Variants in ADGRG7 observed in about 807,000 individuals in gnomAD.
The protein encoded by ADGRG7 is G-protein coupled receptor 128.
A neutral mutation model predicts 88.6 loss-of-function variants in ADGRG7; 82 were observed. The observed-to-expected ratio is 0.93, with a 90% CI of 0.77 to 1.11. The LOEUF is 1.11. Among genes scored for constraint, ADGRG7 ranks in the 50% most tolerant of loss-of-function variants. The pLI is 0.00. For synonymous variants in ADGRG7, 381 were observed against 345.2 expected (o/e 1.10, Z -1.15); for missense variants, 945 against 953.4 (o/e 0.99, Z 0.12).
At chr3:100,668,813 C>T in intron 14 of ADGRG7, 136 bp from the exon 15 acceptor site, 2 of 518,352 alleles carry the variant, frequency 3.9e-6, no homozygotes, top group Non-Finnish European at 3.3e-6. Context: ...ATCATTTTTC[C>T]ACCTGGGGCA....
intron 10 of ADGRG7, among the ~76,000 whole-genome samples, chr3:100,647,117 A>G (rs540920226): frequency 9.2e-4 from 140 of 152,180 alleles, no homozygotes; most frequent in Non-Finnish European, 1.9e-3. Flanking sequence ...AGATCACACC[A>G]CTGCACTCCA....
At chr3:100,686,206 A>G (rs28812196) in intron 15 of ADGRG7, among the ~76,000 whole-genome samples, 25 of 151,790 alleles carry the variant, frequency 1.6e-4, no homozygotes, top group Non-Finnish European at 3.2e-4. Context: ...TCCTTTGCCC[A>G]CTTTTTGATG....
Position 100,646,696 on chromosome 3 carries a change from A to G in ADGRG7, c.1238A>G (p.Asn413Ser), listed in dbSNP as rs886777505. 6.2e-7 allele frequency: 1 copy of G among 1,614,204 alleles called. No homozygotes were observed. Among genetic ancestry groups the G allele is most frequent in the African/African-American group, 1.3e-5 (1 of 75,058 alleles). ...GTDGFLRCRC[N>S]HTTNFAVLMT... is the part of the protein sequence containing the mutation. Reference sequence around the variant, plus strand: ...GATGGATTCCTGCGCTGCCGCTGCAACCATACTACTAATTTTGCTGTATTA... The same window carrying G: ...GATGGATTCCTGCGCTGCCGCTGCAGCCATACTACTAATTTTGCTGTATTA... The change falls in exon 10 of 16, where the codon AAC becomes AGC. Residue 413 changes from asparagine (N) to serine (S), a missense_variant. By Grantham distance (46) the Asn-to-Ser change is conservative. Coordinates refer to ENST00000273352, the MANE Select transcript of ADGRG7 (RefSeq NM_032787.3).
chr3:100,655,325 C>T (rs757134797), intron 12 of ADGRG7, 144 bp downstream of exon 12: 44 of 593,916 alleles, frequency 7.4e-5, no homozygotes, highest in Non-Finnish European at 1.1e-4. Flanking sequence ...GAATACGTTC[C>T]GTCTAGTAGC....
chr3:100,646,509 T>G lies in ADGRG7; in HGVS notation c.1111-60T>G, dbSNP rs1005271785. The G allele has an allele frequency of 1.7e-5, 24 of 1,405,722 alleles. No individual in the cohort carries two copies. The African/African-American group carries it at 3.3e-4, about 20-fold the overall frequency. The allele number at this position is 1,405,722 out of a possible 1,614,324, so 87.1% of individuals were successfully genotyped here. On this transcript the variant is annotated intron_variant, in intron 9 of 15. Transcript: ENST00000273352. ...AGATGACTGTCTTATACTACTTGAT[T>G]TTTTTTAACCCAATTAAGTATTTAG...
intron 1 of ADGRG7, among the ~76,000 whole-genome samples, chr3:100,614,625 C>T (rs896386828): frequency 6.6e-6 from 1 of 152,046 alleles, no homozygotes. Context: ...ATGAGAGATG[C>T]CTGGATTTTA....
At chr3:100,639,921 T>G (rs1370877970) in intron 6 of ADGRG7, among the ~76,000 whole-genome samples, 1 of 152,214 alleles carries the variant, frequency 6.6e-6, no homozygotes, top group African/African-American at 2.4e-5. Context: ...CAGTGAACCT[T>G]AAAATGGTGT....
chr3:100,616,350 A>G (rs1403348004), intron 1 of ADGRG7, among the ~76,000 whole-genome samples: 4 of 152,184 alleles, frequency 2.6e-5, no homozygotes, highest in Non-Finnish European at 4.4e-5. Flanking sequence ...AGAGAATATA[A>G]AATATGTTTA....
At chr3:100,670,158 G>A (rs972662311) in intron 15 of ADGRG7, among the ~76,000 whole-genome samples, 3 of 151,288 alleles carry the variant, frequency 2.0e-5, no homozygotes, top group Non-Finnish European at 4.4e-5. Flanking sequence ...TTCCCCTCCC[G>A]TCACTACCAT....
chr3:100,638,350 C>T (rs1490319042), intron 6 of ADGRG7, among the ~76,000 whole-genome samples: 4 of 152,160 alleles, frequency 2.6e-5, no homozygotes, highest in African/African-American at 9.7e-5. Flanking sequence ...GCAGGTTGCT[C>T]TCCCCTGAAG....
At chr3:100,644,945 A>G (rs1246854860) in intron 8 of ADGRG7, among the ~76,000 whole-genome samples, 1 of 152,208 alleles carries the variant, frequency 6.6e-6, no homozygotes, top group Non-Finnish European at 1.5e-5. Context: ...ACTGTGAACA[A>G]AAGACAGCAA....
At chr3:100,610,691 C>T (rs956934366) in intron 1 of ADGRG7, among the ~76,000 whole-genome samples, 1 of 152,182 alleles carries the variant, frequency 6.6e-6, no homozygotes, top group Non-Finnish European at 1.5e-5. Context: ...AATGCTGGAT[C>T]CCTTGGGCTG....
intron 15 of ADGRG7, among the ~76,000 whole-genome samples, chr3:100,691,587 A>G (rs1272905617): frequency 6.6e-6 from 1 of 151,896 alleles, no homozygotes; most frequent in Non-Finnish European, 1.5e-5. Context: ...TGTTGCAAAT[A>G]GTATGGAGAA....
intron 1 of ADGRG7, among the ~76,000 whole-genome samples, chr3:100,629,268 T>C (rs569486773): frequency 2.9e-5 from 1 of 34,802 alleles, no homozygotes; most frequent in Admixed American, 3.1e-4. Context: ...CCATGTTGAC[T>C]CTATCTATCT....
chr3:100,683,962 A>G (rs1431417089), intron 15 of ADGRG7, among the ~76,000 whole-genome samples: 1 of 152,162 alleles, frequency 6.6e-6, no homozygotes, highest in Non-Finnish European at 1.5e-5. Context: ...ATACAATTCA[A>G]TGCTGCATTA....
intron 15 of ADGRG7, among the ~76,000 whole-genome samples, chr3:100,683,497 G>T (rs2094976859): frequency 1.3e-5 from 2 of 152,240 alleles, no homozygotes; most frequent in African/African-American, 4.8e-5. Context: ...GCCTCTCAGG[G>T]AGCTGGCGCT....
At chr3:100,671,801 A>T (rs754090322) in intron 15 of ADGRG7, among the ~76,000 whole-genome samples, 5 of 152,156 alleles carry the variant, frequency 3.3e-5, no homozygotes, top group Non-Finnish European at 5.9e-5. Flanking sequence ...AGCACCATTT[A>T]TTAAATAGGG....
chr3:100,643,797 T>G (rs1707689388), intron 8 of ADGRG7, among the ~76,000 whole-genome samples, 164 bp downstream of exon 8: 2 of 152,246 alleles, frequency 1.3e-5, no homozygotes, highest in African/African-American at 4.8e-5. Context: ...TCAACTCTAC[T>G]ATTCTAAGTC....
intron 11 of ADGRG7, among the ~76,000 whole-genome samples, chr3:100,651,615 A>G (rs1316675029): frequency 6.6e-6 from 1 of 152,184 alleles, no homozygotes; most frequent in Admixed American, 6.5e-5. Flanking sequence ...AGGCCAAGGC[A>G]GGAGGATTGC....
Sources: allele counts gnomAD v4.1 joint callset (sites outside exome capture counted in the v4.1 genomes callset), GRCh38; gene constraint gnomAD v4.1.1; transcripts MANE v1.5; gene names NCBI Gene and HGNC (gene_info 2026-07-23, HGNC 2026-07-21).